Variants in GPATCH1 observed in about 807,000 individuals in gnomAD.
GPATCH1 encodes G-patch domain containing 1, also known as G patch domain-containing protein 1.
In GPATCH1, 73 loss-of-function variants were observed where a neutral mutation model predicts 114.9. That is an observed-to-expected ratio of 0.64 (90% confidence interval 0.53 to 0.77). GPATCH1 has a LOEUF of 0.77. Ranked by LOEUF, GPATCH1 falls within the 30% of genes least tolerant of loss-of-function variation. The probability of loss-of-function intolerance (pLI) is 0.00; values close to 1 mark genes in which losing one functional copy is unlikely to be tolerated. For synonymous variants in GPATCH1, 391 were observed against 428.4 expected (o/e 0.91, Z 1.08); for missense variants, 1,058 against 1,144.3 (o/e 0.92, Z 1.09).
intron 17 of GPATCH1, among the ~76,000 whole-genome samples, chr19:33,120,999 A>C: frequency 6.6e-6 from 1 of 152,026 alleles, no homozygotes; most frequent in Admixed American, 6.6e-5. Context: ...CAAAAAATAA[A>C]TAAATTAATT....
chr19:33,125,112 T>C lies in GPATCH1; in HGVS notation c.2529T>C (p.Arg843=), dbSNP rs1277923263. The C allele has an allele frequency of 6.3e-7, 1 of 1,598,382 alleles. No homozygotes were observed. The highest frequency in any genetic ancestry group is 1.3e-5 in the African/African-American group (1 of 74,346). The change falls in exon 18 of 20, where the codon CGT becomes CGC. Residue 843 remains arginine (R), a synonymous_variant. Transcript: ENST00000170564. ...RLPPVFCPNA[R]QTLEVPQKEK... Reference sequence around the variant, plus strand: ...ATTACCTTTGTGTTTCAGATGCTCGTCAGACACTTGAGGTTCCTCAAAAAG... The same window carrying C: ...ATTACCTTTGTGTTTCAGATGCTCGCCAGACACTTGAGGTTCCTCAAAAAG...
intron 3 of GPATCH1, among the ~76,000 whole-genome samples, chr19:33,091,202 G>A (rs1972590976): frequency 6.6e-6 from 1 of 152,044 alleles, no homozygotes; most frequent in Non-Finnish European, 1.5e-5. Flanking sequence ...ACGAGGTCAG[G>A]AGATCAAGAC....
chr19:33,095,891 T>C, intron 6 of GPATCH1, 71 bp downstream of exon 6: 2 of 1,106,284 alleles, frequency 1.8e-6, no homozygotes, highest in South Asian at 1.2e-5. Flanking sequence ...TGAAATTTGG[T>C]TGGAGACAAT....
At chr19:33,105,678 C>T (rs1972775790) in intron 9 of GPATCH1, among the ~76,000 whole-genome samples, 1 of 151,494 alleles carries the variant, frequency 6.6e-6, no homozygotes, top group Non-Finnish European at 1.5e-5. Flanking sequence ...CATCCACCAC[C>T]ACACCTGGCT....
rs1160344065 is a variant in GPATCH1 at position 33,118,636 on chromosome 19, G to A, written c.2414-374G>A. 2.6e-5 allele frequency among the ~76,000 whole-genome samples: 4 copies of A among 152,158 alleles called. 1 individual carries two copies. The highest frequency in any genetic ancestry group is 9.7e-5 in the African/African-American group (4 of 41,432). ...AAACTTGTCTCCCGCAGTTCTCTGT[G>A]ATGGGACATACATAGTCTTACATTC... is the stretch of plus-strand genomic sequence containing the variant. On this transcript the variant is annotated intron_variant, in intron 16 of 19. Coordinates refer to ENST00000170564, the MANE Select transcript of GPATCH1 (RefSeq NM_018025.3).
intron 15 of GPATCH1, among the ~76,000 whole-genome samples, chr19:33,114,961 C>T (rs1215756711): frequency 6.6e-6 from 1 of 151,628 alleles, no homozygotes; most frequent in African/African-American, 2.4e-5. Flanking sequence ...GTGCGCACCA[C>T]CATGCCTGGC....
chr19:33,115,456 T>C (rs1972907240), intron 15 of GPATCH1, among the ~76,000 whole-genome samples: 1 of 151,832 alleles, frequency 6.6e-6, no homozygotes, highest in Admixed American at 6.6e-5. Flanking sequence ...CTTTTTCATC[T>C]TCTTTTTAAC....
intron 8 of GPATCH1, among the ~76,000 whole-genome samples, chr19:33,101,083 C>T (rs1404934175): frequency 6.6e-6 from 1 of 152,204 alleles, no homozygotes; most frequent in Admixed American, 6.5e-5. Flanking sequence ...CCCTGTAGTT[C>T]TTCACCTAGT....
intron 9 of GPATCH1, among the ~76,000 whole-genome samples, chr19:33,104,650 C>CAG (rs1972763562): frequency 6.6e-6 from 1 of 152,088 alleles, no homozygotes; most frequent in African/African-American, 2.4e-5. Context: ...GGGTGGGGCG[C>CAG]AGGCATCAGT....
intron 1 of GPATCH1, among the ~76,000 whole-genome samples, chr19:33,083,107 G>T (rs982234086): frequency 1.4e-4 from 12 of 83,780 alleles, no homozygotes; most frequent in African/African-American, 8.6e-4. Flanking sequence ...TGGGCGTGGT[G>T]GGGGGGGGCT....
intron 5 of GPATCH1, among the ~76,000 whole-genome samples, chr19:33,094,777 G>A (rs1006410549): frequency 1.3e-5 from 2 of 152,110 alleles, no homozygotes; most frequent in Non-Finnish European, 2.9e-5. Context: ...GACTCTTTGA[G>A]GGTAACAGTC....
At chr19:33,103,788 GC>G (rs1972753317) in intron 9 of GPATCH1, among the ~76,000 whole-genome samples, 3 of 152,222 alleles carry the variant, frequency 2.0e-5, no homozygotes, top group East Asian at 3.9e-4. Flanking sequence ...GGCCAGCCTG[GC>G]CCCAGGTAGC....
In GPATCH1 at chr19:33,109,953, A is replaced by G. The variant is rs1466463380; in HGVS notation, c.1522A>G (p.Lys508Glu). The G allele has an allele frequency of 1.2e-6, 2 of 1,614,060 alleles. No homozygotes were observed. Among genetic ancestry groups the G allele is most frequent in the South Asian group, 2.2e-5 (2 of 91,072 alleles). The change falls in exon 11 of 20, where the codon AAA (lysine) becomes GAA (glutamate). Residue 508 changes from lysine to glutamate, a missense_variant. Coordinates refer to ENST00000170564, the MANE Select transcript of GPATCH1 (RefSeq NM_018025.3). ...LKASNFKPFA[K>E]DPEKQKRYDE... ...AGCCAGCAACTTCAAGCCTTTCGCC[A>G]AAGATCCGGAAAAGCAAAAGCGATA... is the stretch of plus-strand genomic sequence containing the variant.
chr19:33,103,223 C>G (rs1405577964), intron 9 of GPATCH1, among the ~76,000 whole-genome samples: 1 of 152,166 alleles, frequency 6.6e-6, no homozygotes, highest in Non-Finnish European at 1.5e-5. Flanking sequence ...TAAGGATTGG[C>G]CTGTGCTTGT....
intron 1 of GPATCH1, among the ~76,000 whole-genome samples, chr19:33,082,400 G>T (rs1305685402): frequency 2.6e-5 from 4 of 152,202 alleles, no homozygotes; most frequent in African/African-American, 7.2e-5. Context: ...GTTGGTGGGG[G>T]TCCCCTCCCT....
Position 33,088,174 on chromosome 19 carries a change from T to TGAC in GPATCH1, c.115_116insACG (p.Thr38_Val39insAsp). 1 of 1,592,962 alleles carries TGAC rather than the reference T, an allele frequency of 6.3e-7. No individual in the cohort carries two copies. The highest frequency in any genetic ancestry group is 8.6e-7 in the Non-Finnish European group (1 of 1,165,478). On this transcript the variant is annotated inframe_insertion, in exon 2 of 20. Transcript: ENST00000170564. Reference sequence around the variant, plus strand: ...AACCAATCCCTCTTCAGGATCAGACTGTCAGAGATGAAAAAGGAAGGTATA... The same window carrying TGAC: ...AACCAATCCCTCTTCAGGATCAGACTGACGTCAGAGATGAAAAAGGAAGGTATA...
chr19:33,085,523 TA>T (rs1005376504), intron 1 of GPATCH1, among the ~76,000 whole-genome samples: 7 of 151,802 alleles, frequency 4.6e-5, no homozygotes, highest in African/African-American at 1.5e-4. Context: ...CCCCACCCTT[TA>T]AAAAAAATGT....
chr19:33,090,800 G>C lies in GPATCH1; in HGVS notation c.229G>C (p.Val77Leu). Residue 77 changes from valine (V) to leucine (L), a missense_variant, in exon 3 of 20, where the codon GTG becomes CTG. Coordinates refer to ENST00000170564, the MANE Select transcript of GPATCH1 (RefSeq NM_018025.3). The part of the protein sequence containing the change: ...SKEGWTPSTF[V>L]SSRQNRADKS... ...TTCAGGATGGACACCCTCTACCTTT[G>C]TGTCTTCACGACAGAACAGAGCAGA... 1 of 1,611,452 alleles carries C rather than the reference G, an allele frequency of 6.2e-7. No homozygotes were observed. The highest frequency in any genetic ancestry group is 1.1e-5 in the South Asian group (1 of 91,018).
chr19:33,091,243 C>T (rs985487841), intron 3 of GPATCH1, among the ~76,000 whole-genome samples: 2 of 151,850 alleles, frequency 1.3e-5, no homozygotes, highest in Non-Finnish European at 2.9e-5. Context: ...AACCCCGTCT[C>T]TACTAAACAA....
Sources: allele counts gnomAD v4.1 joint callset (sites outside exome capture counted in the v4.1 genomes callset), GRCh38; gene constraint gnomAD v4.1.1; transcripts MANE v1.5; gene names NCBI Gene and HGNC (gene_info 2026-07-23, HGNC 2026-07-21).